The following ZFHX3 variants were observed in gnomAD, a reference collection of about 807,000 sequenced individuals.
ZFHX3 encodes the protein zinc finger homeobox protein 3.
Under a neutral mutation model 279.1 loss-of-function variants are expected in ZFHX3, and 42 were observed. The observed-to-expected ratio is 0.15, with a 90% confidence interval of 0.12 to 0.19. The LOEUF (loss-of-function observed/expected upper bound fraction) is 0.19. Among genes scored for constraint, ZFHX3 ranks in the 10% least tolerant of loss-of-function variants. ZFHX3 has a pLI of 1.00. For synonymous variants in ZFHX3, 2,293 were observed against 1,957.8 expected (o/e 1.17, Z -4.52); for missense variants, 4,981 against 4,754.0 (o/e 1.05, Z -1.40).
chr16:73,685,688 C>G (rs1473247298), intron 1 of ZFHX3, among the ~76,000 whole-genome samples: 1 of 152,176 alleles, frequency 6.6e-6, no homozygotes, highest in African/African-American at 2.4e-5. Context: ...CTTTGTGGGT[C>G]TTTATAATGA....
At chr16:72,891,798 G>A (rs76501125) in intron 3 of ZFHX3, among the ~76,000 whole-genome samples, 3,453 of 152,208 alleles carry the variant, frequency 0.023, 73 homozygotes, top group South Asian at 0.1. Context: ...CCAACCCCCA[G>A]CCCAGTCAGC....
rs1333683388 is a variant in ZFHX3 at position 72,785,832 on chromosome 16, C to T, written c.*1332G>A. 1 of 151,164 alleles carries T rather than the reference C, an allele frequency of 6.6e-6. No homozygotes were observed. The highest frequency in any genetic ancestry group is 1.5e-5 in the Non-Finnish European group (1 of 67,894). The allele number at this position is 151,164 out of a possible 1,614,324, so 9.4% of individuals were successfully genotyped here. Reference sequence around the variant, plus strand: ...AGAAGGGGTACAAAGAAAAAAAAGCCAAAAGAAGGATAAATAAAAAATAAA... The same window carrying T: ...AGAAGGGGTACAAAGAAAAAAAAGCTAAAAGAAGGATAAATAAAAAATAAA... On this transcript the variant is annotated 3_prime_UTR_variant, in exon 10 of 10. Transcript: ENST00000268489.
intron 2 of ZFHX3, among the ~76,000 whole-genome samples, chr16:73,624,274 T>A (rs966510607): frequency 2.6e-5 from 4 of 152,216 alleles, no homozygotes; most frequent in Admixed American, 2.0e-4. Context: ...AAAAAATTCT[T>A]TAGCTGTTTC....
rs1386994406 is a variant in ZFHX3, at chr16:72,959,123, T to G, written c.1023A>C (p.Glu341Asp). ...KDKEPLVSFLEPKNKNFQHPL... is the reference protein window; with the variant it reads ...KDKEPLVSFLDPKNKNFQHPL... ...GGTGTTGAAAGTTTTTGTTTTTTGG[T>G]TCCAGAAAACTTACAAGGGGTTCCT... The change falls in exon 2 of 10, where the codon GAA becomes GAC. Residue 341 changes from glutamate (E) to aspartate (D), a missense_variant. Coordinates refer to ENST00000268489, the MANE Select transcript of ZFHX3 (RefSeq NM_006885.4). The G allele has an allele frequency of 1.2e-6, 2 of 1,614,110 alleles. No homozygotes were observed. The highest frequency in any genetic ancestry group is 1.7e-6 in the Non-Finnish European group (2 of 1,180,048).
intron 2 of ZFHX3, among the ~76,000 whole-genome samples, chr16:73,581,904 G>A (rs2051865942): frequency 6.6e-6 from 1 of 151,550 alleles, no homozygotes; most frequent in Admixed American, 6.6e-5. Flanking sequence ...TCGATCTCCT[G>A]ACCTCATGAT....
At chr16:72,947,629 C>A (rs1960757098) in intron 3 of ZFHX3, among the ~76,000 whole-genome samples, 1 of 152,104 alleles carries the variant, frequency 6.6e-6, no homozygotes. Flanking sequence ...ATCACTGCCA[C>A]TTCACTAGGT....
chr16:73,049,183 C>A (rs1376469658), upstream of ZFHX3, among the ~76,000 whole-genome samples: 1 of 152,186 alleles, frequency 6.6e-6, no homozygotes, highest in East Asian at 1.9e-4. Context: ...GAAATCTCAC[C>A]GGAAGTCCTC....
At chr16:73,775,538 C>T (rs1453261671) in intron 1 of ZFHX3, among the ~76,000 whole-genome samples, 1 of 152,196 alleles carries the variant, frequency 6.6e-6, no homozygotes, top group African/African-American at 2.4e-5. Context: ...ATTTCCTTCA[C>T]TACCTGGTTT....
intron 3 of ZFHX3, among the ~76,000 whole-genome samples, chr16:73,448,355 A>G (rs1487943500): frequency 6.6e-6 from 1 of 152,222 alleles, no homozygotes; most frequent in Non-Finnish European, 1.5e-5. Context: ...ACCAAAATAC[A>G]AACTAAGTGG....
intron 7 of ZFHX3, chr16:72,808,118 AC>A (rs2143559628): frequency 6.6e-6 from 1 of 152,174 alleles, no homozygotes; most frequent in East Asian, 1.9e-4. Flanking sequence ...ACAGTAAAAT[AC>A]CCTCCCGTGG....
intron 1 of ZFHX3, among the ~76,000 whole-genome samples, chr16:73,886,460 AC>A (rs2142419129): frequency 6.6e-6 from 1 of 152,332 alleles, no homozygotes; most frequent in South Asian, 2.1e-4. Context: ...AGACAGACGG[AC>A]TTTAATAACA....
At chr16:73,804,121 C>A (rs1960209772) in intron 1 of ZFHX3, among the ~76,000 whole-genome samples, 1 of 152,182 alleles carries the variant, frequency 6.6e-6, no homozygotes, top group African/African-American at 2.4e-5. Flanking sequence ...TGTGCTACTG[C>A]ACTCCAGCTT....
intron 5 of ZFHX3, among the ~76,000 whole-genome samples, chr16:73,193,707 C>G (rs1004421895): frequency 3.3e-5 from 5 of 152,100 alleles, no homozygotes; most frequent in African/African-American, 1.2e-4. Flanking sequence ...TTTGTTAAAC[C>G]CCACAGACTA....
At chr16:73,367,174 G>C (rs2016544707) in intron 3 of ZFHX3, among the ~76,000 whole-genome samples, 1 of 152,074 alleles carries the variant, frequency 6.6e-6, no homozygotes, top group Non-Finnish European at 1.5e-5. Context: ...GACCTCATAG[G>C]GCTTTACAAA....
chr16:72,802,918 C>T (rs2036152429), intron 7 of ZFHX3, among the ~76,000 whole-genome samples: 2 of 152,192 alleles, frequency 1.3e-5, no homozygotes, highest in Admixed American at 6.5e-5. Flanking sequence ...AGGCAGACTT[C>T]CTTCAACACT....
intron 1 of ZFHX3, among the ~76,000 whole-genome samples, chr16:73,846,719 T>C (rs778638571): frequency 6.6e-6 from 1 of 152,118 alleles, no homozygotes; most frequent in Non-Finnish European, 1.5e-5. Flanking sequence ...CTCAGGCCTC[T>C]CATTCTCAGA....
At chr16:73,764,371 G>T (rs544037838) in intron 1 of ZFHX3, among the ~76,000 whole-genome samples, 226 of 152,140 alleles carry the variant, frequency 1.5e-3, no homozygotes, top group Middle Eastern at 3.4e-3. Context: ...AAATAAATTT[G>T]CTCTTGGAGA....
Position 72,793,582 on chromosome 16 carries a change from T to C in ZFHX3, c.9100A>G (p.Ser3034Gly), listed in dbSNP as rs2035789638. 3 of 1,614,118 alleles carry C rather than the reference T, an allele frequency of 1.9e-6. No homozygotes were observed. Among genetic ancestry groups the C allele is most frequent in the East Asian group, 2.2e-5 (1 of 44,902 alleles). ...TGGTCACGTACAGACAGCCGAGCGC[T>C]GTACTTGATGCCACACAAAGTGCAC... ...TECTLCGIKY[S>G]ARLSVRDHIF... Residue 3034 changes from serine to glycine, a missense_variant, in exon 9 of 10, where the codon AGC becomes GGC. Transcript: ENST00000268489. The surrounding 1 kb of genome is among the most constrained non-coding windows in gnomAD (Gnocchi z 4.3).
chr16:73,405,374 T>A (rs1419808923), intron 3 of ZFHX3, among the ~76,000 whole-genome samples: 2 of 152,244 alleles, frequency 1.3e-5, no homozygotes, highest in East Asian at 3.9e-4. Flanking sequence ...TAGAATAACA[T>A]AAAAAAGGAA....
Sources: gnomAD v4.1 joint callset for allele counts (sites outside exome capture counted in the v4.1 genomes callset) on GRCh38, gnomAD v4.1.1 for gene constraint, Gnocchi (gnomAD v3.1) non-coding constraint, MANE v1.5 for transcripts, NCBI Gene and HGNC (gene_info 2026-07-23, HGNC 2026-07-21) for gene names.